ATR: variants seen among roughly 807,000 people sequenced by gnomAD.
ATR encodes the protein ATR checkpoint kinase.
Under a neutral mutation model 305.3 loss-of-function variants are expected in ATR, and 142 were observed. That is an observed-to-expected ratio of 0.47 (90% confidence interval 0.41 to 0.53). The LOEUF is 0.53. Among genes scored for constraint, ATR ranks in the 20% least tolerant of loss-of-function variants. ATR has a pLI of 0.00. For synonymous variants in ATR, 1,050 were observed against 1,068.1 expected, an observed-to-expected ratio of 0.98 and a Z score of 0.33; for missense variants, 2,135 against 3,133.1, an observed-to-expected ratio of 0.68 and a Z score of 7.60.
Position 142,522,813 on chromosome 3 carries a change from T to C in ATR, c.4181A>G (p.Tyr1394Cys). ...VTGVEDSSFA[Y>C]GLLMELTRAY... ...TCTTGTTAGCTCCATCAATAATCCA[T>C]AGGCAAAGCTTGAATCTTCTACTCC... Residue 1394 changes from tyrosine (Y) to cysteine (C), a missense_variant, in exon 23 of 47, where the codon TAT becomes TGT. Around this residue, in one of 9 missense-constraint regions of ATR, gnomAD observed 530 missense variants for 766.8 expected, o/e 0.69. Transcript: ENST00000350721. 6 of 1,612,524 alleles carry C rather than the reference T, an allele frequency of 3.7e-6. No individual in the cohort carries two copies. The highest frequency in any genetic ancestry group is 5.1e-6 in the Non-Finnish European group (6 of 1,179,352).
Position 142,562,981 on chromosome 3 carries a change from T to A in ATR, c.421A>T (p.Ile141Phe), listed in dbSNP as rs766281121. The A allele has an allele frequency of 3.7e-5, 60 of 1,605,724 alleles. No homozygotes were observed. Among genetic ancestry groups the A allele is most frequent in the Non-Finnish European group, 4.9e-5 (58 of 1,177,944 alleles). Residue 141 changes from isoleucine (I) to phenylalanine (F), a missense_variant, in exon 4 of 47, where the codon ATT (isoleucine) becomes TTT (phenylalanine). Physicochemically the swap from Ile to Phe is conservative, Grantham distance 21. This residue lies in a region of ATR where 744 missense variants were observed against 873.2 expected (regional missense o/e 0.85). Transcript: ENST00000350721. ...AATTCTTTTGTGAGTACCCCAAAAA[T>A]AGCAGGACTCTTGCTTTTAAAAAGA... is the stretch of plus-strand genomic sequence containing the variant. ...LFLFKSKSPA[I>F]FGVLTKELLQ...
rs1426268344 is a variant in ATR at position 142,560,397 on chromosome 3, T to C, written c.1407A>G (p.Lys469=). 1.9e-5 allele frequency: 30 copies of C among 1,613,744 alleles called. No homozygotes were observed. Among genetic ancestry groups the C allele is most frequent in the Middle Eastern group, 1.6e-4 (1 of 6,080 alleles). Residue 469 remains lysine, a synonymous_variant, in exon 6 of 47, where the codon AAA becomes AAG. Transcript: ENST00000350721. The part of the protein sequence containing the change: ...KSILWSALKQ[K]AESLQISLEY... The stretch of plus-strand genomic sequence containing the variant: ...CAAGGGAAATCTGAAGGGATTCAGC[T>C]TTCTGTTTCAGTGCACTCCATAATA...
intron 6 of ATR, among the ~76,000 whole-genome samples, 161 bp from the exon 7 acceptor site, chr3:142,559,602 A>G (rs2034805256): frequency 6.6e-6 from 1 of 152,218 alleles, no homozygotes; most frequent in South Asian, 2.1e-4. Context: ...TTACTATTTT[A>G]AGTTGAATCT....
At chr3:142,479,148 T>C (rs1347091837) in intron 36 of ATR, among the ~76,000 whole-genome samples, 9 of 152,120 alleles carry the variant, frequency 5.9e-5, no homozygotes, top group African/African-American at 2.2e-4. Context: ...AGCTGGTTAT[T>C]TTGCTCGTTA....
chr3:142,457,735 T>C lies in ATR; in HGVS notation c.7524A>G (p.Pro2508=). Residue 2508 remains proline (P), a synonymous_variant, in exon 45 of 47, where the codon CCA becomes CCG. Transcript: ENST00000350721. ...LFNKGETFEV[P]EIVPFRLTHN... ...GAGTCAGGCGAAATGGCACAATTTC[T>C]GGAACTTCAAAGGTTTCTCCCTTAG... 1 of 1,614,048 alleles carries C rather than the reference T, an allele frequency of 6.2e-7. No individual in the cohort carries two copies. Among genetic ancestry groups the C allele is most frequent in the Non-Finnish European group, 8.5e-7 (1 of 1,179,912 alleles).
intron 14 of ATR, 40 bp from the exon 15 acceptor site, chr3:142,549,713 C>T: frequency 6.3e-7 from 1 of 1,583,110 alleles, no homozygotes; most frequent in Middle Eastern, 1.7e-4. Context: ...GTACATTTGT[C>T]TGGGTGAAAA....
intron 23 of ATR, 127 bp downstream of exon 23, chr3:142,522,601 C>A: frequency 1.2e-6 from 1 of 844,356 alleles, no homozygotes; most frequent in Non-Finnish European, 2.0e-6. Context: ...AAATGTTTAT[C>A]ATGAACTTGT....
chr3:142,470,631 T>A (rs1192344565), intron 36 of ATR, among the ~76,000 whole-genome samples: 1 of 152,144 alleles, frequency 6.6e-6, no homozygotes, highest in Non-Finnish European at 1.5e-5. Context: ...AAATTCTGGC[T>A]TTATCATGCT....
intron 36 of ATR, among the ~76,000 whole-genome samples, chr3:142,477,552 T>C (rs547574382): frequency 3.3e-5 from 5 of 152,328 alleles, no homozygotes; most frequent in African/African-American, 1.2e-4. Flanking sequence ...TTTAAAATTC[T>C]CTTTTTTTGT....
At chr3:142,524,896 G>T (rs1439390132) in intron 21 of ATR, among the ~76,000 whole-genome samples, 5 of 152,180 alleles carry the variant, frequency 3.3e-5, no homozygotes, top group African/African-American at 1.2e-4. Context: ...CCTTGCACTT[G>T]TGTGATCACT....
rs528956952 is a variant in ATR, at chr3:142,544,531, T to C, written c.3358-1774A>G. 6.0e-5 allele frequency among the ~76,000 whole-genome samples: 9 copies of C among 148,870 alleles called. No homozygotes were observed. In the Admixed American group the frequency reaches 6.1e-4, roughly 10 times the overall value. On this transcript the variant is annotated intron_variant, in intron 16 of 46. Transcript: ENST00000350721. ...TATAGCTAAGTATTAAATCAATTTG[T>C]TCATATTACTACAAACTGAGAATGT...
intron 4 of ATR, among the ~76,000 whole-genome samples, 153 bp downstream of exon 4, chr3:142,562,079 G>A (rs1439453287): frequency 3.4e-5 from 5 of 148,672 alleles, no homozygotes; most frequent in African/African-American, 1.2e-4. Context: ...GTCCATAATA[G>A]TGAGCCAGAC....
At chr3:142,513,304 A>G (rs952716676) in intron 26 of ATR, among the ~76,000 whole-genome samples, 197 bp downstream of exon 26, 2 of 152,236 alleles carry the variant, frequency 1.3e-5, no homozygotes, top group African/African-American at 4.8e-5. Flanking sequence ...CTGGCAACAA[A>G]TTGGTAGCTA....
intron 26 of ATR, among the ~76,000 whole-genome samples, chr3:142,513,148 T>C (rs78212380): frequency 0.023 from 3,505 of 152,264 alleles, 61 homozygotes; most frequent in Non-Finnish European, 0.039. Context: ...TTCATGACAT[T>C]AGATGAGGCA....
intron 45 of ATR, among the ~76,000 whole-genome samples, chr3:142,454,899 C>G (rs573596806): frequency 2.0e-4 from 30 of 152,206 alleles, no homozygotes; most frequent in African/African-American, 7.0e-4. Context: ...TTTAGCATGT[C>G]TATTCGACAC....
Position 142,508,780 on chromosome 3 carries a change from C to T in ATR, c.4853-671G>A, listed in dbSNP as rs187269328. On this transcript the variant is annotated intron_variant, in intron 27 of 46. Coordinates refer to ENST00000350721, the MANE Select transcript of ATR (RefSeq NM_001184.4). ...CTACTAAAAATACAAAAAAATTAGCCGGGCGTGGTGACGGGTGCCTTTAGT... is the reference window on the plus strand; with the variant it reads ...CTACTAAAAATACAAAAAAATTAGCTGGGCGTGGTGACGGGTGCCTTTAGT... 1.0e-3 allele frequency among the ~76,000 whole-genome samples: 158 copies of T among 151,928 alleles called. 1 individual carries two copies. The highest frequency in any genetic ancestry group is 3.6e-3 in the African/African-American group (148 of 41,448).
chr3:142,481,786 A>G (rs1349423302), intron 36 of ATR, among the ~76,000 whole-genome samples: 2 of 151,880 alleles, frequency 1.3e-5, no homozygotes, highest in Non-Finnish European at 2.9e-5. Context: ...CACCGTGCCC[A>G]GCCATATCTG....
intron 34 of ATR, among the ~76,000 whole-genome samples, chr3:142,496,095 C>G (rs1195903236): frequency 6.6e-6 from 1 of 150,992 alleles, no homozygotes; most frequent in Non-Finnish European, 1.5e-5. Context: ...TAGATGAAAA[C>G]TGAAAAAACT....
At chr3:142,512,156 G>C (rs2108370094) in intron 27 of ATR, 104 bp downstream of exon 27, 1 of 1,013,754 alleles carries the variant, frequency 9.9e-7, no homozygotes, top group Non-Finnish European at 1.5e-6. Context: ...ATGAAGCAAG[G>C]TATTTTTTAA....
Sources: allele counts gnomAD v4.1 joint callset (sites outside exome capture counted in the v4.1 genomes callset), GRCh38; gene constraint gnomAD v4.1.1; regional missense constraint gnomAD v4.1.1; transcripts MANE v1.5; gene names NCBI Gene and HGNC (gene_info 2026-07-23, HGNC 2026-07-21).